ADGRL4: variants seen among roughly 807,000 people sequenced by gnomAD.
ADGRL4 encodes EGF, latrophilin and seven transmembrane domain containing 1.
ADGRL4 carries 90 observed loss-of-function variants against 74.8 expected under a neutral mutation model. The ratio of observed to expected loss-of-function variants is 1.20; its 90% CI spans 1.02 to 1.43. The LOEUF (loss-of-function observed/expected upper bound fraction) is 1.43. Among genes scored for constraint, ADGRL4 ranks in the 40% most tolerant of loss-of-function variants. ADGRL4 has a pLI of 0.00. For synonymous variants in ADGRL4, 311 were observed against 279.2 expected, an observed-to-expected ratio of 1.11 and a Z score of -1.14; for missense variants, 881 against 814.3, an observed-to-expected ratio of 1.08 and a Z score of -1.00.
chr1:78,944,027 C>A (rs995953854), intron 3 of ADGRL4, among the ~76,000 whole-genome samples: 3 of 152,110 alleles, frequency 2.0e-5, no homozygotes, highest in Non-Finnish European at 2.9e-5. Context: ...TCTTCAATTA[C>A]AAATATACTA....
intron 1 of ADGRL4, among the ~76,000 whole-genome samples, chr1:79,006,212 C>T (rs555172608): frequency 6.6e-6 from 1 of 152,296 alleles, no homozygotes; most frequent in East Asian, 1.9e-4. Context: ...ACTATGTATA[C>T]TGACTAAGCC....
intron 3 of ADGRL4, chr1:78,939,513 A>G (rs1469254405): frequency 1.3e-5 from 3 of 235,004 alleles, no homozygotes; most frequent in Non-Finnish European, 2.3e-5. Context: ...ATAGGCTTTC[A>G]TTTCTTTGTT....
At chr1:78,903,955 AAATAAATAAAT>A (rs1648572106) in intron 12 of ADGRL4, among the ~76,000 whole-genome samples, 2 of 104,562 alleles carry the variant, frequency 1.9e-5, no homozygotes. Flanking sequence ...ATAAATAAAT[AAATAAATAAAT>A]AAATAAATAA....
intron 2 of ADGRL4, among the ~76,000 whole-genome samples, chr1:78,978,716 A>G (rs1218450237): frequency 6.6e-6 from 1 of 152,096 alleles, no homozygotes; most frequent in Non-Finnish European, 1.5e-5. Context: ...ATTCATCCTC[A>G]CAAAAATTCC....
At chr1:79,004,489 G>A (rs1650918119) in intron 2 of ADGRL4, among the ~76,000 whole-genome samples, 1 of 152,010 alleles carries the variant, frequency 6.6e-6, no homozygotes, top group Admixed American at 6.6e-5. Flanking sequence ...GATGCTTTGT[G>A]GCATTCTGTC....
chr1:78,950,289 A>G (rs1570249261), intron 2 of ADGRL4, among the ~76,000 whole-genome samples: 2 of 152,242 alleles, frequency 1.3e-5, no homozygotes, highest in African/African-American at 4.8e-5. Context: ...CTGCAGGAAC[A>G]GCGTAATTTA....
At chr1:78,942,370 G>C (rs936046385) in intron 3 of ADGRL4, among the ~76,000 whole-genome samples, 38 of 152,172 alleles carry the variant, frequency 2.5e-4, no homozygotes, top group Non-Finnish European at 4.9e-4. Flanking sequence ...TTGTGACTAA[G>C]TATGTTTGAA....
chr1:78,961,022 T>C (rs1205744169), intron 2 of ADGRL4, among the ~76,000 whole-genome samples: 1 of 152,192 alleles, frequency 6.6e-6, no homozygotes, highest in Non-Finnish European at 1.5e-5. Context: ...TAAGTTTTTT[T>C]CATCAAAATA....
At chr1:78,985,784 T>C (rs1473397981) in intron 2 of ADGRL4, among the ~76,000 whole-genome samples, 1 of 151,798 alleles carries the variant, frequency 6.6e-6, no homozygotes, top group African/African-American at 2.4e-5. Flanking sequence ...TAAATGCTCA[T>C]CAGTGGTAGA....
intron 12 of ADGRL4, among the ~76,000 whole-genome samples, chr1:78,899,357 T>C (rs973886691): frequency 1.3e-5 from 2 of 152,122 alleles, no homozygotes; most frequent in Non-Finnish European, 1.5e-5. Flanking sequence ...TATGTATGTA[T>C]GTAAGTATTT....
Position 78,964,258 on chromosome 1 carries a change from A to T in ADGRL4, c.173-17832T>A, listed in dbSNP as rs868425312. ...TGATCCTGCTATTATTGTAAAATGTACATTTATTTATCACTCTAGTGCTTT... is the reference window on the plus strand; with the variant it reads ...TGATCCTGCTATTATTGTAAAATGTTCATTTATTTATCACTCTAGTGCTTT... On this transcript the variant is annotated intron_variant, in intron 2 of 14. Coordinates refer to ENST00000370742, the MANE Select transcript of ADGRL4 (RefSeq NM_022159.4). Among the ~76,000 whole-genome samples, 131 of 152,340 alleles carry T rather than the reference A, an allele frequency of 8.6e-4. 1 individual carries two copies. Among genetic ancestry groups the T allele is most frequent in the African/African-American group, 2.9e-3 (121 of 41,592 alleles).
intron 2 of ADGRL4, among the ~76,000 whole-genome samples, chr1:78,953,754 T>C (rs17413911): frequency 0.19 from 28,179 of 152,134 alleles, 2,745 homozygotes; most frequent in Admixed American, 0.26. Context: ...AGCTCTGCAA[T>C]ACATAAATTC....
At chr1:78,987,226 A>G (rs1309638485) in intron 2 of ADGRL4, among the ~76,000 whole-genome samples, 1 of 151,832 alleles carries the variant, frequency 6.6e-6, no homozygotes. Context: ...ATCGTGATAT[A>G]CTATTTATTG....
intron 2 of ADGRL4, among the ~76,000 whole-genome samples, chr1:78,966,940 T>A (rs1483171832): frequency 6.6e-6 from 1 of 151,866 alleles, no homozygotes; most frequent in East Asian, 1.9e-4. Flanking sequence ...CTGTTTATAT[T>A]CTTTAAATTT....
intron 5 of ADGRL4, 37 bp downstream of exon 5, chr1:78,938,063 A>G: frequency 1.2e-6 from 2 of 1,604,932 alleles, no homozygotes; most frequent in Non-Finnish European, 1.7e-6. Flanking sequence ...AAAAATTCAA[A>G]GCTCAATTAT....
chr1:78,904,533 CA>C (rs1257508475), intron 12 of ADGRL4, among the ~76,000 whole-genome samples: 1 of 151,836 alleles, frequency 6.6e-6, no homozygotes, highest in Non-Finnish European at 1.5e-5. Flanking sequence ...AAATGAAAGA[CA>C]TTTTCAAGAT....
At chr1:78,961,702 T>G (rs1237514229) in intron 2 of ADGRL4, among the ~76,000 whole-genome samples, 2 of 152,014 alleles carry the variant, frequency 1.3e-5, no homozygotes, top group South Asian at 4.2e-4. Context: ...AGCCCTGATG[T>G]TCTTAAATGG....
At chr1:78,989,576 G>C (rs576636986) in intron 2 of ADGRL4, among the ~76,000 whole-genome samples, 1 of 151,598 alleles carries the variant, frequency 6.6e-6, no homozygotes, top group East Asian at 1.9e-4. Context: ...GGTATGTCCC[G>C]AAGTGCCCGT....
At chr1:78,973,987 CTTCT>C (rs1250401908) in intron 2 of ADGRL4, among the ~76,000 whole-genome samples, 3 of 152,024 alleles carry the variant, frequency 2.0e-5, no homozygotes, top group East Asian at 3.9e-4. Context: ...GAAAATATAG[CTTCT>C]TTCTTTGTTT....
Sources: gnomAD v4.1 joint callset for allele counts (sites outside exome capture counted in the v4.1 genomes callset) on GRCh38, gnomAD v4.1.1 for gene constraint, MANE v1.5 for transcripts, NCBI Gene and HGNC (gene_info 2026-07-23, HGNC 2026-07-21) for gene names.